The following LRP1B variants were observed in gnomAD, a reference collection of about 807,000 sequenced individuals.
The protein encoded by LRP1B is LDL receptor related protein 1B.
LRP1B carries 217 observed loss-of-function variants against 556.6 expected under a neutral mutation model. The ratio of observed to expected loss-of-function variants is 0.39; its 90% CI spans 0.35 to 0.44. LRP1B has a LOEUF of 0.44. Ranked by LOEUF, LRP1B falls within the 20% of genes least tolerant of loss-of-function variation. The pLI is 1.00. For missense variants in LRP1B, 5,053 were observed against 5,620.8 expected, an observed-to-expected ratio of 0.90 and a Z score of 3.23; for synonymous variants, 2,047 against 1,865.8, an observed-to-expected ratio of 1.10 and a Z score of -2.50.
chr2:141,170,326 G>A (rs561311276), intron 7 of LRP1B, among the ~76,000 whole-genome samples: 61 of 152,160 alleles, frequency 4.0e-4, no homozygotes, highest in African/African-American at 1.4e-3. Context: ...CTTGTTGCTA[G>A]CAAGGTCTCA....
At chr2:141,731,217 C>T (rs1262159707) in intron 2 of LRP1B, among the ~76,000 whole-genome samples, 3 of 152,016 alleles carry the variant, frequency 2.0e-5, no homozygotes, top group East Asian at 3.9e-4. Flanking sequence ...GAGCATGGCC[C>T]CCAAATTAAA....
intron 25 of LRP1B, among the ~76,000 whole-genome samples, chr2:140,881,183 T>C (rs970348244): frequency 1.6e-4 from 25 of 152,116 alleles, no homozygotes; most frequent in African/African-American, 6.0e-4. Context: ...AGCACTAAGA[T>C]AGTAAGCTGA....
intron 3 of LRP1B, among the ~76,000 whole-genome samples, chr2:141,322,132 T>A (rs932995047): frequency 6.6e-6 from 1 of 152,056 alleles, no homozygotes; most frequent in African/African-American, 2.4e-5. Flanking sequence ...CAGTGCATTG[T>A]CTCCCTACTT....
At chr2:140,652,513 A>G (rs1290346673) in intron 41 of LRP1B, among the ~76,000 whole-genome samples, 1 of 152,068 alleles carries the variant, frequency 6.6e-6, no homozygotes, top group Non-Finnish European at 1.5e-5. Context: ...AACTATACTC[A>G]TTTGAGCTCA....
chr2:141,583,097 A>G (rs1317581325), intron 2 of LRP1B, among the ~76,000 whole-genome samples: 1 of 152,022 alleles, frequency 6.6e-6, no homozygotes, highest in Non-Finnish European at 1.5e-5. Context: ...TGGCCTCCCA[A>G]AGTGCTGGGA....
At chr2:140,599,438 C>G (rs776610679) in intron 42 of LRP1B, among the ~76,000 whole-genome samples, 6 of 151,994 alleles carry the variant, frequency 3.9e-5, no homozygotes, top group Non-Finnish European at 7.4e-5. Flanking sequence ...ACTCTTAAAT[C>G]CTTCAGCATA....
In LRP1B at chr2:141,229,412, T is replaced by C; in HGVS notation, c.621A>G (p.Leu207=). ...CCTCAATTGTTTCAAAATTTGCAAT[T>C]AATAGTATAGGTGGTCTATCTGTAG... The part of the protein sequence containing the change: ...IEPTDRPPIL[L]IANFETIEVF... The change falls in exon 6 of 91, where the codon TTA becomes TTG. Residue 207 remains leucine, a synonymous_variant. Coordinates refer to ENST00000389484, the MANE Select transcript of LRP1B (RefSeq NM_018557.3). 6.3e-7 allele frequency: 1 copy of C among 1,593,180 alleles called. No homozygotes were observed. The highest frequency in any genetic ancestry group is 1.7e-4 in the Middle Eastern group (1 of 5,988).
intron 11 of LRP1B, among the ~76,000 whole-genome samples, chr2:141,047,055 T>TAAG (rs1180720885): frequency 1.6e-5 from 2 of 127,508 alleles, no homozygotes; most frequent in East Asian, 7.6e-4. Flanking sequence ...GCACAAAAAT[T>TAAG]AATAATAATA....
intron 7 of LRP1B, among the ~76,000 whole-genome samples, chr2:141,186,979 G>A (rs568725826): frequency 2.0e-5 from 3 of 152,142 alleles, no homozygotes; most frequent in Admixed American, 2.0e-4. Context: ...AGACACTGCT[G>A]TCTAAAGGCT....
At chr2:142,112,936 C>A (rs1707055643) in intron 1 of LRP1B, among the ~76,000 whole-genome samples, 1 of 152,048 alleles carries the variant, frequency 6.6e-6, no homozygotes, top group Admixed American at 6.6e-5. Flanking sequence ...ATTTGTAATT[C>A]CATTCTCTTA....
intron 21 of LRP1B, among the ~76,000 whole-genome samples, chr2:140,909,102 C>T (rs1393168580): frequency 3.3e-5 from 5 of 152,194 alleles, no homozygotes; most frequent in African/African-American, 9.6e-5. Flanking sequence ...CTGGCATTGT[C>T]GTCTATGTAA....
chr2:140,644,747 G>A (rs530995432), intron 41 of LRP1B, among the ~76,000 whole-genome samples: 6 of 152,154 alleles, frequency 3.9e-5, no homozygotes, highest in African/African-American at 1.4e-4. Context: ...ACTACATGGT[G>A]CAAACTTCGC....
intron 7 of LRP1B, among the ~76,000 whole-genome samples, chr2:141,067,185 T>A (rs1699502868): frequency 6.6e-6 from 1 of 152,012 alleles, no homozygotes; most frequent in Admixed American, 6.6e-5. Flanking sequence ...GTAATTGAGG[T>A]ATATTTAGAA....
intron 1 of LRP1B, among the ~76,000 whole-genome samples, chr2:141,999,510 T>A (rs1382291004): frequency 6.6e-6 from 1 of 152,110 alleles, no homozygotes; most frequent in African/African-American, 2.4e-5. Flanking sequence ...CAATGGCTTG[T>A]TTAATTTTAT....
intron 35 of LRP1B, among the ~76,000 whole-genome samples, chr2:140,745,791 T>C (rs1205707583): frequency 6.6e-6 from 1 of 152,198 alleles, no homozygotes; most frequent in Non-Finnish European, 1.5e-5. Context: ...ACAGTGACTA[T>C]ATATTTAGCT....
chr2:141,616,654 A>G (rs1039379990), intron 2 of LRP1B, among the ~76,000 whole-genome samples: 21 of 152,250 alleles, frequency 1.4e-4, no homozygotes, highest in Non-Finnish European at 2.8e-4. Flanking sequence ...CCTCAGATTT[A>G]TAAGTACAGT....
At chr2:140,962,177 C>A (rs976315453) in intron 18 of LRP1B, among the ~76,000 whole-genome samples, 1 of 152,090 alleles carries the variant, frequency 6.6e-6, no homozygotes, top group Non-Finnish European at 1.5e-5. Context: ...TATACAAAAG[C>A]AGAGGAAAAG....
At chr2:141,972,067 G>GGGGT (rs1432125881) in intron 1 of LRP1B, among the ~76,000 whole-genome samples, 1 of 151,342 alleles carries the variant, frequency 6.6e-6, no homozygotes, top group African/African-American at 2.4e-5. Context: ...TTTGAATGCT[G>GGGGT]GAACATCATC....
At chr2:141,263,100 G>A (rs866461884) in intron 3 of LRP1B, among the ~76,000 whole-genome samples, 2 of 151,760 alleles carry the variant, frequency 1.3e-5, no homozygotes, top group African/African-American at 4.8e-5. Flanking sequence ...TTCTACATAT[G>A]TTGTTCAATT....
Sources: gnomAD v4.1 joint callset for allele counts (sites outside exome capture counted in the v4.1 genomes callset) on GRCh38, gnomAD v4.1.1 for gene constraint, MANE v1.5 for transcripts, NCBI Gene and HGNC (gene_info 2026-07-23, HGNC 2026-07-21) for gene names.